Variants in REC114 observed in about 807,000 individuals in gnomAD.
REC114 encodes the protein REC114 meiotic recombination protein, also known as meiotic recombination protein REC114.
REC114 carries 27 observed loss-of-function variants against 31.3 expected under a neutral mutation model. The ratio of observed to expected loss-of-function variants is 0.86; its 90% confidence interval spans 0.64 to 1.19. The LOEUF (loss-of-function observed/expected upper bound fraction) is 1.19. Ranked by LOEUF, REC114 falls within the 50% of genes most tolerant of loss-of-function variation. The pLI is 0.00. For missense variants in REC114, 344 were observed against 326.9 expected (o/e 1.05, Z -0.40); for synonymous variants, 134 against 127.7 (o/e 1.05, Z -0.33).
At chr15:73,517,989 C>G (rs1398699599) in intron 2 of REC114, among the ~76,000 whole-genome samples, 1 of 152,142 alleles carries the variant, frequency 6.6e-6, no homozygotes, top group African/African-American at 2.4e-5. Flanking sequence ...ACAAATGTTT[C>G]ACAAAGGAAG....
At chr15:73,500,728 G>GTTTTTTT (rs58043618) in intron 2 of REC114, among the ~76,000 whole-genome samples, 3 of 103,720 alleles carry the variant, frequency 2.9e-5, no homozygotes, top group Non-Finnish European at 4.3e-5. Flanking sequence ...TTCAATTATT[G>GTTTTTTT]TTTTTTTTTT....
chr15:73,496,932 T>A (rs79129107), intron 2 of REC114, among the ~76,000 whole-genome samples: 3,671 of 150,660 alleles, frequency 0.024, 135 homozygotes, highest in African/African-American at 0.074. Flanking sequence ...GTCTTTATTT[T>A]TTTTTTTTTT....
intron 3 of REC114, 110 bp from the exon 4 acceptor site, chr15:73,550,828 T>A: frequency 1.0e-6 from 1 of 954,244 alleles, no homozygotes; most frequent in Non-Finnish European, 1.6e-6. Context: ...GACTGTTCCC[T>A]TATCTATACC....
At chr15:73,517,744 A>G (rs1302680352) in intron 2 of REC114, among the ~76,000 whole-genome samples, 1 of 152,220 alleles carries the variant, frequency 6.6e-6, no homozygotes, top group Non-Finnish European at 1.5e-5. Flanking sequence ...CTATTTAACA[A>G]TTAGCCCTTC....
chr15:73,559,927 A>C lies in REC114; in HGVS notation c.*11A>C. ...GGTTTGAGAAATTAATGCTCTATAT[A>C]CATATATAACTAAGGAACTTCAAAG... is the stretch of plus-strand genomic sequence containing the variant. On this transcript the variant is annotated 3_prime_UTR_variant, in exon 6 of 6. Transcript: ENST00000331090. 1 of 1,572,856 alleles carries C rather than the reference A, an allele frequency of 6.4e-7. No individual in the cohort carries two copies. Among genetic ancestry groups the C allele is most frequent in the Non-Finnish European group, 8.6e-7 (1 of 1,167,520 alleles).
At chr15:73,480,469 C>G (rs989751777) in intron 2 of REC114, among the ~76,000 whole-genome samples, 9 of 151,782 alleles carry the variant, frequency 5.9e-5, no homozygotes, top group African/African-American at 2.2e-4. Context: ...AATAAGAATA[C>G]ATATTTAAAA....
At chr15:73,445,125 G>A (rs1479605395) in intron 1 of REC114, among the ~76,000 whole-genome samples, 18 of 152,142 alleles carry the variant, frequency 1.2e-4, no homozygotes, top group Admixed American at 1.1e-3. Flanking sequence ...CAGTTCCTAA[G>A]GGCCCTAGGA....
chr15:73,505,227 C>T (rs901150793), intron 2 of REC114, among the ~76,000 whole-genome samples: 5 of 152,166 alleles, frequency 3.3e-5, no homozygotes, highest in African/African-American at 1.2e-4. Flanking sequence ...TGATGTTCTT[C>T]ATGTATAAAA....
intron 3 of REC114, among the ~76,000 whole-genome samples, chr15:73,542,807 A>G (rs1296556241): frequency 6.6e-6 from 1 of 152,218 alleles, no homozygotes; most frequent in Non-Finnish European, 1.5e-5. Flanking sequence ...GAAAACACTC[A>G]TAATGGCTTG....
At chr15:73,510,096 T>C (rs1360309972) in intron 2 of REC114, among the ~76,000 whole-genome samples, 2 of 152,078 alleles carry the variant, frequency 1.3e-5, no homozygotes, top group Non-Finnish European at 2.9e-5. Flanking sequence ...CTTCCATTTG[T>C]TTGTATCCTC....
At chr15:73,553,600 C>A (rs1055952527) in intron 4 of REC114, among the ~76,000 whole-genome samples, 18 of 152,192 alleles carry the variant, frequency 1.2e-4, no homozygotes, top group African/African-American at 3.1e-4. Context: ...GCTAGAACCT[C>A]ATCAGGCTAC....
chr15:73,488,007 G>T (rs1477333086), intron 2 of REC114, among the ~76,000 whole-genome samples: 1 of 152,166 alleles, frequency 6.6e-6, no homozygotes, highest in Non-Finnish European at 1.5e-5. Context: ...TTTATGTCTT[G>T]TGCCCTCTGG....
intron 1 of REC114, among the ~76,000 whole-genome samples, chr15:73,444,001 G>A (rs1237002105): frequency 2.6e-5 from 4 of 152,118 alleles, no homozygotes; most frequent in South Asian, 4.1e-4. Flanking sequence ...GCACTGTACT[G>A]TAGTCTATTA....
chr15:73,489,827 C>A (rs983205776), intron 2 of REC114, among the ~76,000 whole-genome samples: 1 of 151,982 alleles, frequency 6.6e-6, no homozygotes, highest in African/African-American at 2.4e-5. Flanking sequence ...TCCTAGCAGT[C>A]CTTCCAAACT....
At chr15:73,503,539 T>C (rs1395780084) in intron 2 of REC114, among the ~76,000 whole-genome samples, 4 of 152,342 alleles carry the variant, frequency 2.6e-5, no homozygotes, top group South Asian at 2.1e-4. Flanking sequence ...GAATAAATTA[T>C]AGTTACATTA....
chr15:73,483,883 C>T (rs973615252), intron 2 of REC114: 1 of 152,248 alleles, frequency 6.6e-6, no homozygotes, highest in East Asian at 1.9e-4. Flanking sequence ...AGCCCAAGGA[C>T]TGGGGTCTGG....
chr15:73,443,268 G>T lies in REC114; in HGVS notation c.83G>T (p.Arg28Leu), dbSNP rs779792470. The T allele has an allele frequency of 1.9e-6, 3 of 1,577,084 alleles. No homozygotes were observed. The highest frequency in any genetic ancestry group is 1.8e-5 in the Admixed American group (1 of 54,064). Residue 28 changes from arginine (R) to leucine (L), a missense_variant, in exon 1 of 6, where the codon CGC becomes CTC. Physicochemically the swap from Arg to Leu is moderately radical, Grantham distance 102. Transcript: ENST00000331090. ...GAGTGGCCTCTGCAGCGGTACGCCC[G>T]CTGCATACCCTCAAACACCAGAGAC... ...AAEWPLQRYA[R>L]CIPSNTRDPP...
intron 1 of REC114, among the ~76,000 whole-genome samples, chr15:73,454,408 A>G (rs1437746920): frequency 6.6e-6 from 1 of 152,120 alleles, no homozygotes; most frequent in East Asian, 1.9e-4. Flanking sequence ...AGGGTAAAGA[A>G]TGGCTGATGG....
chr15:73,499,703 C>T (rs1040873608), intron 2 of REC114, among the ~76,000 whole-genome samples: 5 of 152,152 alleles, frequency 3.3e-5, no homozygotes, highest in African/African-American at 1.2e-4. Flanking sequence ...TAAAACCAGG[C>T]TTTCTTAGCA....
Sources: allele counts gnomAD v4.1 joint callset (sites outside exome capture counted in the v4.1 genomes callset), GRCh38; gene constraint gnomAD v4.1.1; transcripts MANE v1.5; gene names NCBI Gene and HGNC (gene_info 2026-07-23, HGNC 2026-07-21).